The following SEMA3C variants were observed in gnomAD, a reference collection of about 807,000 sequenced individuals.
SEMA3C encodes semaphorin-3C.
A neutral mutation model predicts 89.4 loss-of-function variants in SEMA3C; 47 were observed. The observed-to-expected ratio is 0.53, with a 90% CI of 0.42 to 0.67. SEMA3C has a LOEUF of 0.67. SEMA3C is among the 30% of genes least tolerant of loss of function. SEMA3C has a pLI of 0.00. For missense variants in SEMA3C, 839 were observed against 929.1 expected (o/e 0.90, Z 1.26); for synonymous variants, 310 against 320.2 (o/e 0.97, Z 0.34).
At chr7:80,796,228 T>C (rs773029389) in intron 11 of SEMA3C, among the ~76,000 whole-genome samples, 7 of 152,200 alleles carry the variant, frequency 4.6e-5, no homozygotes, top group Non-Finnish European at 8.8e-5. Flanking sequence ...CAAGTCACTC[T>C]CAAAAGTATA....
intron 17 of SEMA3C, among the ~76,000 whole-genome samples, chr7:80,745,959 G>C (rs535201734): frequency 1.2e-4 from 18 of 152,156 alleles, no homozygotes; most frequent in African/African-American, 4.1e-4. Context: ...GTAATAAAAA[G>C]CTATGAATTA....
chr7:80,795,856 T>A (rs68121504), intron 11 of SEMA3C, among the ~76,000 whole-genome samples: 18,677 of 152,030 alleles, frequency 0.12, 1,228 homozygotes, highest in East Asian at 0.25. Flanking sequence ...TGTAGATAGT[T>A]CCATGATGGC....
chr7:80,908,684 T>C (rs556493264), intron 2 of SEMA3C, among the ~76,000 whole-genome samples: 28 of 152,204 alleles, frequency 1.8e-4, no homozygotes, highest in Non-Finnish European at 3.7e-4. Flanking sequence ...TTTTTGCGGG[T>C]TGCTATTCAA....
chr7:80,879,856 G>T (rs775848197), intron 2 of SEMA3C, among the ~76,000 whole-genome samples: 2 of 151,978 alleles, frequency 1.3e-5, no homozygotes, highest in African/African-American at 4.8e-5. Flanking sequence ...ACCTCTTCAG[G>T]GTGACATGGA....
At chr7:80,870,533 A>G (rs1791031220) in intron 2 of SEMA3C, among the ~76,000 whole-genome samples, 1 of 152,146 alleles carries the variant, frequency 6.6e-6, no homozygotes, top group Admixed American at 6.5e-5. Context: ...CATAACGACA[A>G]ACACTAACAC....
rs761990267 is a variant in SEMA3C, at chr7:80,815,554, C to CAAAAAAAAAAAAAAAAAAAAAAAA, written c.447+2744_447+2745insTTTTTTTTTTTTTTTTTTTTTTTT. On this transcript the variant is annotated intron_variant, in intron 5 of 17. Coordinates refer to ENST00000265361, the MANE Select transcript of SEMA3C (RefSeq NM_006379.5). ...AAACCCAATCCTTTCTTTAAATGGG[C>CAAAAAAAAAAAAAAAAAAAAAAAA]AAAAAAAAAAAAAAAAAAAGTAAAT... Among the ~76,000 whole-genome samples the CAAAAAAAAAAAAAAAAAAAAAAAA allele has an allele frequency of 2.8e-3, 162 of 58,822 alleles. 5 individuals carry two copies. The highest frequency in any genetic ancestry group is 3.8e-3 in the Non-Finnish European group (117 of 30,822). The allele number at this position is 58,822 out of a possible 152,430, so 38.6% of individuals were successfully genotyped here. A position where few individuals can be genotyped will look rare whatever the true frequency, so the allele number is the denominator to read the frequency against.
intron 2 of SEMA3C, among the ~76,000 whole-genome samples, chr7:80,889,164 T>C (rs1791552897): frequency 6.6e-6 from 1 of 152,214 alleles, no homozygotes. Flanking sequence ...CGCTCGGCCA[T>C]GTTTTGAATT....
chr7:80,833,642 C>A (rs1158247886), intron 2 of SEMA3C, among the ~76,000 whole-genome samples: 3 of 152,224 alleles, frequency 2.0e-5, no homozygotes, highest in East Asian at 3.9e-4. Flanking sequence ...TAGTTGACAG[C>A]TGTTAACCAG....
At chr7:80,806,606 T>C (rs1016207825) in intron 6 of SEMA3C, among the ~76,000 whole-genome samples, 1 of 152,128 alleles carries the variant, frequency 6.6e-6, no homozygotes, top group African/African-American at 2.4e-5. Flanking sequence ...ACATTCAACA[T>C]TTACCTTATT....
chr7:80,891,921 C>T (rs539552661), intron 2 of SEMA3C, among the ~76,000 whole-genome samples: 55 of 152,136 alleles, frequency 3.6e-4, no homozygotes, highest in African/African-American at 1.3e-3. Context: ...ATAATTCAAA[C>T]AAGAATAATC....
At chr7:80,907,994 G>A (rs1007658811) in intron 2 of SEMA3C, among the ~76,000 whole-genome samples, 2 of 151,888 alleles carry the variant, frequency 1.3e-5, no homozygotes, top group East Asian at 1.9e-4. Context: ...ATTATGTAAC[G>A]AAATTCAATA....
intron 5 of SEMA3C, among the ~76,000 whole-genome samples, chr7:80,818,053 A>T (rs1185345994): frequency 7.1e-6 from 1 of 141,172 alleles, no homozygotes; most frequent in Non-Finnish European, 1.5e-5. Context: ...TCCAACTAAA[A>T]GTATACACAC....
intron 2 of SEMA3C, among the ~76,000 whole-genome samples, chr7:80,856,547 A>C (rs1471882764): frequency 1.3e-5 from 2 of 151,394 alleles, no homozygotes; most frequent in Non-Finnish European, 2.9e-5. Context: ...AAAAAAAAAA[A>C]AAAAAAAAAA....
At chr7:80,919,571 TTTTTTG>T (rs570244294), upstream of SEMA3C, among the ~76,000 whole-genome samples, 872 of 118,472 alleles carry the variant, frequency 7.4e-3, 11 homozygotes, top group African/African-American at 0.038. Context: ...TTTTTTTTTG[TTTTTTG>T]TTTTTTGTTT....
chr7:80,912,595 G>A (rs150713541), intron 2 of SEMA3C, among the ~76,000 whole-genome samples: 10 of 152,252 alleles, frequency 6.6e-5, no homozygotes, highest in African/African-American at 2.4e-4. Context: ...CACCCCTTGA[G>A]TTTGGGTTTA....
chr7:80,854,287 C>A (rs2115954267), intron 2 of SEMA3C, among the ~76,000 whole-genome samples: 1 of 152,268 alleles, frequency 6.6e-6, no homozygotes, highest in Non-Finnish European at 1.5e-5. Context: ...AGATCAGACT[C>A]CATATGAACT....
At chr7:80,753,090 C>A (rs1787974327) in intron 15 of SEMA3C, among the ~76,000 whole-genome samples, 1 of 152,122 alleles carries the variant, frequency 6.6e-6, no homozygotes, top group Non-Finnish European at 1.5e-5. Context: ...CTGTAGAAAT[C>A]TACTTATGGT....
intron 12 of SEMA3C, among the ~76,000 whole-genome samples, chr7:80,788,796 G>A (rs1055463352): frequency 6.6e-6 from 1 of 152,076 alleles, no homozygotes; most frequent in Non-Finnish European, 1.5e-5. Context: ...ATGGCTTCAT[G>A]TATTGATTAA....
At chr7:80,827,525 C>T (rs4461841) in intron 3 of SEMA3C, 38 bp from the exon 4 acceptor site, 1,435,212 of 1,572,674 alleles carry the variant, frequency 0.91, 655,307 homozygotes, top group East Asian at 1. Flanking sequence ...ATAATCTCAC[C>T]TGGACATATG....
Sources: gnomAD v4.1 joint callset for allele counts (sites outside exome capture counted in the v4.1 genomes callset) on GRCh38, gnomAD v4.1.1 for gene constraint, MANE v1.5 for transcripts, NCBI Gene and HGNC (gene_info 2026-07-23, HGNC 2026-07-21) for gene names.